Variants in TRPM7 observed in about 807,000 individuals in gnomAD.
TRPM7 encodes the protein LTRPC ion channel family member 7.
In TRPM7, 134 loss-of-function variants were observed where a neutral mutation model predicts 229.7. The observed-to-expected ratio is 0.58, with a 90% confidence interval of 0.51 to 0.67. TRPM7 has a LOEUF of 0.67. Among genes scored for constraint, TRPM7 ranks in the 30% least tolerant of loss-of-function variants. The pLI is 0.00. For missense variants in TRPM7, 1,901 were observed against 2,210.0 expected, an observed-to-expected ratio of 0.86 and a Z score of 2.80; for synonymous variants, 699 against 715.2, an observed-to-expected ratio of 0.98 and a Z score of 0.36.
chr15:50,675,913 T>C (rs1596348674), intron 1 of TRPM7, among the ~76,000 whole-genome samples: 1 of 152,224 alleles, frequency 6.6e-6, no homozygotes, highest in Non-Finnish European at 1.5e-5. Context: ...ATCCCAGCTC[T>C]GCTGTTTACT....
intron 1 of TRPM7, among the ~76,000 whole-genome samples, chr15:50,681,178 G>A (rs1435507686): frequency 6.6e-6 from 1 of 152,026 alleles, no homozygotes; most frequent in African/African-American, 2.4e-5. Context: ...TTGAACCCGG[G>A]AGGCAGAGGT....
At position 50,657,863 on chromosome 15, in the gene TRPM7, C is replaced by T. The variant is rs1354702389; in HGVS notation, c.84-44G>A. 9 of 1,538,942 alleles carry T rather than the reference C, an allele frequency of 5.8e-6. No homozygotes were observed. In the African/African-American group the frequency reaches 9.7e-5, roughly 17 times the overall value. On this transcript the variant is annotated intron_variant, in intron 2 of 38. Coordinates refer to ENST00000646667, the MANE Select transcript of TRPM7 (RefSeq NM_017672.6). Reference sequence around the variant, plus strand: ...TAAATAAATTATTTCAGGTGAAAAACTTTCTGATTTTAAAGTATATAAAAT... The same window carrying T: ...TAAATAAATTATTTCAGGTGAAAAATTTTCTGATTTTAAAGTATATAAAAT...
At chr15:50,618,058 T>G (rs2060277964) in intron 13 of TRPM7, among the ~76,000 whole-genome samples, 1 of 152,152 alleles carries the variant, frequency 6.6e-6, no homozygotes, top group Non-Finnish European at 1.5e-5. Context: ...TTAGAAGATA[T>G]TTTAACCAAA....
intron 31 of TRPM7, among the ~76,000 whole-genome samples, chr15:50,576,474 C>G (rs535697936): frequency 2.0e-5 from 3 of 152,312 alleles, no homozygotes; most frequent in Admixed American, 2.0e-4. Context: ...AGTTAGCCAA[C>G]AGTTTTAATA....
intron 16 of TRPM7, 55 bp from the exon 17 acceptor site, chr15:50,611,376 C>T (rs562062148): frequency 1.5e-6 from 2 of 1,348,658 alleles, no homozygotes; most frequent in East Asian, 2.4e-5. Flanking sequence ...CAATTTTAAA[C>T]CACTATTCTT....
chr15:50,582,812 T>C (rs1355901621), intron 29 of TRPM7, among the ~76,000 whole-genome samples: 1 of 152,188 alleles, frequency 6.6e-6, no homozygotes, highest in Non-Finnish European at 1.5e-5. Flanking sequence ...GCAAAATCAA[T>C]CATTATCGCA....
chr15:50,577,084 C>G (rs1162437004), intron 31 of TRPM7, among the ~76,000 whole-genome samples: 2 of 151,520 alleles, frequency 1.3e-5, no homozygotes, highest in Non-Finnish European at 2.9e-5. Context: ...TGCACTCCAA[C>G]CTGGTGACAG....
intron 1 of TRPM7, among the ~76,000 whole-genome samples, chr15:50,678,520 ATAT>A (rs1567127849): frequency 7.7e-4 from 77 of 100,446 alleles, no homozygotes; most frequent in Middle Eastern, 5.3e-3. Flanking sequence ...AAAAAAAAAT[ATAT>A]ATATATATAT....
intron 5 of TRPM7, among the ~76,000 whole-genome samples, chr15:50,643,108 G>GT (rs1197828706): frequency 1.3e-5 from 2 of 152,054 alleles, no homozygotes; most frequent in Non-Finnish European, 2.9e-5. Flanking sequence ...GACCAATATG[G>GT]TGAAACCTCG....
chr15:50,587,187 CTTT>C (rs1336723396), intron 27 of TRPM7, among the ~76,000 whole-genome samples: 1 of 151,982 alleles, frequency 6.6e-6, no homozygotes, highest in Non-Finnish European at 1.5e-5. Context: ...GAACTATTTC[CTTT>C]TGGGGATCTT....
At chr15:50,629,859 CTTT>C (rs33991422) in intron 10 of TRPM7, among the ~76,000 whole-genome samples, 6,761 of 106,366 alleles carry the variant, frequency 0.064, 160 homozygotes, top group Middle Eastern at 0.13. Flanking sequence ...TCTTTTTAAC[CTTT>C]TTTTTTTTTT....
chr15:50,557,172 T>C lies in TRPM7; in HGVS notation c.*4506A>G, dbSNP rs1228447176. On this transcript the variant is annotated 3_prime_UTR_variant, in exon 39 of 39. Transcript: ENST00000646667. ...CTTGATCTTTCTTTCAAGTGGTAAA[T>C]AGCCATTTATTGAGTATTCTTGCTT... is the stretch of plus-strand genomic sequence containing the variant. 2 of 152,234 alleles carry C rather than the reference T, an allele frequency of 1.3e-5. No individual in the cohort carries two copies. The highest frequency in any genetic ancestry group is 2.9e-5 in the Non-Finnish European group (2 of 68,046). The allele number at this position is 152,234 out of a possible 1,614,324, so 9.4% of individuals were successfully genotyped here.
At chr15:50,651,678 A>G (rs1314913647) in intron 3 of TRPM7, among the ~76,000 whole-genome samples, 1 of 151,968 alleles carries the variant, frequency 6.6e-6, no homozygotes, top group East Asian at 1.9e-4. Context: ...ACTGTGGGAA[A>G]AGAATATGAG....
chr15:50,679,589 G>A (rs2062200036), intron 1 of TRPM7, among the ~76,000 whole-genome samples: 1 of 136,494 alleles, frequency 7.3e-6, no homozygotes, highest in African/African-American at 3.0e-5. Context: ...AGGCTGGGGT[G>A]CAGTGGCGCA....
chr15:50,683,403 AGACAAC>A (rs1423221416), intron 1 of TRPM7, among the ~76,000 whole-genome samples: 3 of 152,094 alleles, frequency 2.0e-5, no homozygotes, highest in African/African-American at 7.2e-5. Flanking sequence ...ATCAGGCATC[AGACAAC>A]ACGAATCCAC....
intron 27 of TRPM7, among the ~76,000 whole-genome samples, chr15:50,587,443 A>T (rs2059374318): frequency 9.6e-6 from 1 of 104,130 alleles, no homozygotes. Flanking sequence ...GTCTTGCTCC[A>T]TCTCAAAAAA....
intron 3 of TRPM7, among the ~76,000 whole-genome samples, chr15:50,656,615 C>T (rs1023589373): frequency 1.6e-4 from 24 of 151,576 alleles, no homozygotes; most frequent in Non-Finnish European, 2.9e-5. Flanking sequence ...GGATTACAGG[C>T]GCGAACCATC....
At chr15:50,644,609 C>G (rs1025050178) in intron 4 of TRPM7, among the ~76,000 whole-genome samples, 18 of 152,024 alleles carry the variant, frequency 1.2e-4, no homozygotes, top group Non-Finnish European at 2.5e-4. Context: ...TCGAGGCCAG[C>G]CTGACCAACA....
chr15:50,562,648 T>C (rs1217082028), intron 38 of TRPM7, among the ~76,000 whole-genome samples: 4 of 151,924 alleles, frequency 2.6e-5, no homozygotes, highest in Non-Finnish European at 5.9e-5. Context: ...GATGTGCGCC[T>C]GTAGTCCCAG....
Sources: gnomAD v4.1 joint callset for allele counts (sites outside exome capture counted in the v4.1 genomes callset) on GRCh38, gnomAD v4.1.1 for gene constraint, MANE v1.5 for transcripts, NCBI Gene and HGNC (gene_info 2026-07-23, HGNC 2026-07-21) for gene names.